Variants in SPOCK1 observed in about 807,000 individuals in gnomAD.
SPOCK1 encodes the protein SPARC (osteonectin), cwcv and kazal like domains proteoglycan 1, also known as testican-1.
A neutral mutation model predicts 55.3 loss-of-function variants in SPOCK1; 23 were observed. The ratio of observed to expected loss-of-function variants is 0.42; its 90% CI spans 0.30 to 0.59. The LOEUF (loss-of-function observed/expected upper bound fraction) is 0.59. SPOCK1 is among the 20% of genes least tolerant of loss of function. The pLI, the probability that SPOCK1 is intolerant of heterozygous loss-of-function variation, is 0.22. For missense variants in SPOCK1, 499 were observed against 552.5 expected (o/e 0.90, Z 0.97); for synonymous variants, 226 against 221.0 (o/e 1.02, Z -0.20).
chr5:137,277,450 C>T (rs1378967790), intron 2 of SPOCK1, among the ~76,000 whole-genome samples: 2 of 152,152 alleles, frequency 1.3e-5, no homozygotes, highest in African/African-American at 4.8e-5. Context: ...CTTCGAAGAT[C>T]ATGCTGTAAC....
chr5:137,053,252 G>A (rs1752239743), intron 6 of SPOCK1, among the ~76,000 whole-genome samples: 1 of 152,074 alleles, frequency 6.6e-6, no homozygotes, highest in African/African-American at 2.4e-5. Flanking sequence ...GGCGCCAGAG[G>A]GCAAAGTAGT....
At chr5:137,098,449 T>C (rs970482665) in intron 5 of SPOCK1, among the ~76,000 whole-genome samples, 1 of 151,922 alleles carries the variant, frequency 6.6e-6, no homozygotes, top group Non-Finnish European at 1.5e-5. Flanking sequence ...TGGCAAAGGG[T>C]GGGTGTGTTA....
intron 2 of SPOCK1, among the ~76,000 whole-genome samples, chr5:137,490,955 A>G (rs943570749): frequency 7.9e-5 from 12 of 152,334 alleles, no homozygotes; most frequent in African/African-American, 2.9e-4. Flanking sequence ...AGCAGCATCT[A>G]TAGCTGAGTG....
rs753784842 is a variant in SPOCK1 at position 136,978,752 on chromosome 5, C to A, written c.1222G>T (p.Asp408Tyr). 7.4e-6 allele frequency: 12 copies of A among 1,613,976 alleles called. 1 individual carries two copies. In the South Asian group the frequency reaches 1.3e-4, roughly 18 times the overall value. ...TGCACCCTCAGCTTCCCCTCTTTGT[C>A]CTTTGGTCCCAGCTCCCGTTCATAT... ...LEYERELGPKDKEGKLRVHTR... is the reference protein window; with the variant it reads ...LEYERELGPKYKEGKLRVHTR... The change falls in exon 11 of 11, where the codon GAC (aspartate) becomes TAC (tyrosine). Residue 408 changes from aspartate (D) to tyrosine (Y), a missense_variant. Physicochemically the swap from Asp to Tyr is radical, Grantham distance 160. Coordinates refer to ENST00000394945, the MANE Select transcript of SPOCK1 (RefSeq NM_004598.4).
intron 4 of SPOCK1, among the ~76,000 whole-genome samples, chr5:137,121,521 A>G (rs929545353): frequency 3.3e-5 from 5 of 150,396 alleles, no homozygotes; most frequent in African/African-American, 1.2e-4. Flanking sequence ...ACTTGAATCA[A>G]CGTTTCCCTG....
intron 2 of SPOCK1, among the ~76,000 whole-genome samples, chr5:137,356,754 G>C (rs11960591): frequency 0.21 from 28,343 of 136,132 alleles, 3,138 homozygotes; most frequent in East Asian, 0.27. Flanking sequence ...TCATGCCACT[G>C]CACTCCATTC....
intron 6 of SPOCK1, among the ~76,000 whole-genome samples, chr5:137,016,826 G>A (rs1751456125): frequency 6.6e-6 from 1 of 152,246 alleles, no homozygotes; most frequent in Non-Finnish European, 1.5e-5. Flanking sequence ...AGCCTACTAT[G>A]GCCTCACGTT....
At chr5:137,481,225 G>C (rs975113091) in intron 2 of SPOCK1, among the ~76,000 whole-genome samples, 3 of 152,170 alleles carry the variant, frequency 2.0e-5, no homozygotes, top group Non-Finnish European at 2.9e-5. Flanking sequence ...CACTGGGATT[G>C]TATGACCCTC....
In SPOCK1 at chr5:137,233,256, CAT is replaced by C. The variant is rs112866475; in HGVS notation, c.232+33752_232+33753del. On this transcript the variant is annotated intron_variant, in intron 3 of 10. Coordinates refer to ENST00000394945, the MANE Select transcript of SPOCK1 (RefSeq NM_004598.4). Reference sequence around the variant, plus strand: ...GAAATAATTATACAACTCACCATAACATAGAATCAGTGGGAGCCCTGAGCTTA... The same window carrying C: ...GAAATAATTATACAACTCACCATAACAGAATCAGTGGGAGCCCTGAGCTTA... Among the ~76,000 whole-genome samples the C allele has an allele frequency of 4.6e-3, 708 of 152,302 alleles. 5 individuals are homozygous for C. The highest frequency in any genetic ancestry group is 0.015 in the African/African-American group (623 of 41,558).
At chr5:137,404,411 T>C (rs1382929734) in intron 2 of SPOCK1, among the ~76,000 whole-genome samples, 3 of 130 alleles carry the variant, frequency 0.023, no homozygotes, top group Non-Finnish European at 0.058. Flanking sequence ...TCAAAATGAC[T>C]TTTTTTTTTT....
chr5:137,372,057 A>G (rs1751211858), intron 2 of SPOCK1, among the ~76,000 whole-genome samples: 2 of 152,206 alleles, frequency 1.3e-5, no homozygotes, highest in Non-Finnish European at 2.9e-5. Context: ...TGCCATCAAT[A>G]TTTTAAAATA....
intron 2 of SPOCK1, among the ~76,000 whole-genome samples, chr5:137,279,856 T>A (rs1757135874): frequency 6.6e-6 from 1 of 152,266 alleles, no homozygotes; most frequent in Non-Finnish European, 1.5e-5. Context: ...GTTATGGACA[T>A]GTGTGAATCA....
At position 137,452,227 on chromosome 5, in the gene SPOCK1, T is replaced by C. The variant is rs544633431; in HGVS notation, c.186+46146A>G. Among the ~76,000 whole-genome samples the C allele has an allele frequency of 3.3e-5, 5 of 152,364 alleles. No individual in the cohort carries two copies. In the South Asian group the frequency reaches 6.2e-4, roughly 19 times the overall value. On this transcript the variant is annotated intron_variant, in intron 2 of 10. Coordinates refer to ENST00000394945, the MANE Select transcript of SPOCK1 (RefSeq NM_004598.4). The stretch of plus-strand genomic sequence containing the variant: ...TTTAACTATTTACATTCGTGGTATA[T>C]AACTTCACCATCACATGCCGTGTGT...
intron 2 of SPOCK1, among the ~76,000 whole-genome samples, chr5:137,300,601 A>C (rs886081584): frequency 3.9e-5 from 6 of 152,140 alleles, no homozygotes; most frequent in Non-Finnish European, 1.5e-5. Context: ...GTTCTTCCAG[A>C]CTTTTCCTGT....
At chr5:137,271,244 G>A (rs940077322) in intron 2 of SPOCK1, among the ~76,000 whole-genome samples, 1 of 151,570 alleles carries the variant, frequency 6.6e-6, no homozygotes, top group Non-Finnish European at 1.5e-5. Flanking sequence ...CACTAAGATA[G>A]TACTGAAACC....
rs565169264 is a variant in SPOCK1, at chr5:136,992,278, C to T, written c.706+206G>A. On this transcript the variant is annotated intron_variant, in intron 7 of 10. Coordinates refer to ENST00000394945, the MANE Select transcript of SPOCK1 (RefSeq NM_004598.4). ...TAAAGTATGTACCACAGCATGCTTACGGTCATTAAAATGGTGAGATCATAT... is the reference window on the plus strand; with the variant it reads ...TAAAGTATGTACCACAGCATGCTTATGGTCATTAAAATGGTGAGATCATAT... 7.2e-5 allele frequency among the ~76,000 whole-genome samples: 11 copies of T among 152,236 alleles called. No homozygotes were observed. In the South Asian group the frequency reaches 1.0e-3, roughly 14 times the overall value.
chr5:137,498,597 C>T, intron 1 of SPOCK1, 39 bp from the exon 2 acceptor site: 2 of 1,281,102 alleles, frequency 1.6e-6, no homozygotes, highest in Middle Eastern at 3.0e-4. Flanking sequence ...GCGAAGAGGG[C>T]GGGCGGCCGC....
In SPOCK1 at chr5:137,159,301, T is replaced by C. The variant is rs756970572; in HGVS notation, c.233-18607A>G. Reference sequence around the variant, plus strand: ...CTTCTACTTTAAATATTCTAGGCCATAGAATAAATACCTTAGAGTTGACAA... The same window carrying C: ...CTTCTACTTTAAATATTCTAGGCCACAGAATAAATACCTTAGAGTTGACAA... On this transcript the variant is annotated intron_variant, in intron 3 of 10. Transcript: ENST00000394945. Among the ~76,000 whole-genome samples the C allele has an allele frequency of 4.6e-5, 7 of 152,180 alleles. No homozygotes were observed. In the South Asian group the frequency reaches 6.2e-4, roughly 14 times the overall value.
At chr5:137,094,621 C>T in intron 5 of SPOCK1, among the ~76,000 whole-genome samples, 1 of 152,130 alleles carries the variant, frequency 6.6e-6, no homozygotes, top group East Asian at 1.9e-4. Context: ...AAGTCATGAC[C>T]TTTTTGCTGG....
Sources: gnomAD v4.1 joint callset for allele counts (sites outside exome capture counted in the v4.1 genomes callset) on GRCh38, gnomAD v4.1.1 for gene constraint, MANE v1.5 for transcripts, NCBI Gene and HGNC (gene_info 2026-07-23, HGNC 2026-07-21) for gene names.